The following NXN variants were observed in gnomAD, a reference collection of about 807,000 sequenced individuals.
NXN encodes nucleoredoxin, also known as nucleoredoxin 1.
NXN carries 16 observed loss-of-function variants against 48.6 expected under a neutral mutation model. The observed-to-expected ratio is 0.33, with a 90% CI of 0.22 to 0.50. The LOEUF (loss-of-function observed/expected upper bound fraction) is 0.50. NXN is among the 20% of genes least tolerant of loss of function. The pLI is 0.98. For missense variants in NXN, 492 were observed against 605.5 expected, an observed-to-expected ratio of 0.81 and a Z score of 1.97; for synonymous variants, 281 against 269.6, an observed-to-expected ratio of 1.04 and a Z score of -0.41.
chr17:840,739 G>T (rs895251527), intron 1 of NXN, among the ~76,000 whole-genome samples: 2 of 152,302 alleles, frequency 1.3e-5, no homozygotes, highest in South Asian at 4.1e-4. Context: ...CAGAGGATCC[G>T]ATCGGCTGTG....
chr17:914,180 G>A (rs8065476), intron 1 of NXN, among the ~76,000 whole-genome samples: 5,600 of 39,452 alleles, frequency 0.14, 34 homozygotes, highest in Middle Eastern at 0.29. Context: ...GATTACAGGC[G>A]CCCGCCACCA....
chr17:871,399 C>CTTTCT (rs1567842257), intron 1 of NXN, among the ~76,000 whole-genome samples: 1 of 101,706 alleles, frequency 9.8e-6, no homozygotes, highest in Non-Finnish European at 1.9e-5. Flanking sequence ...TACGCATTCA[C>CTTTCT]TTTTTTTTTT....
intron 1 of NXN, among the ~76,000 whole-genome samples, chr17:854,441 G>T (rs1246846044): frequency 1.3e-5 from 2 of 150,562 alleles, no homozygotes; most frequent in Non-Finnish European, 1.5e-5. Flanking sequence ...AAGGTCAGGA[G>T]ACTGAGACCA....
At chr17:892,244 C>A (rs1029787434) in intron 1 of NXN, among the ~76,000 whole-genome samples, 2 of 151,706 alleles carry the variant, frequency 1.3e-5, no homozygotes, top group South Asian at 2.1e-4. Context: ...CCTAAGCTAA[C>A]CCCACCATGC....
chr17:953,761 C>A (rs893362845), intron 1 of NXN, among the ~76,000 whole-genome samples: 1 of 150,780 alleles, frequency 6.6e-6, no homozygotes, highest in African/African-American at 2.4e-5. Flanking sequence ...CATAGTGAGA[C>A]CCCCATCTCT....
intron 1 of NXN, chr17:959,006 A>G (rs1025672850): frequency 4.4e-6 from 1 of 228,312 alleles, no homozygotes; most frequent in Middle Eastern, 1.5e-3. Context: ...AGAAAGAATC[A>G]TGCGGATGTG....
At chr17:820,544 G>A (rs867625068) in intron 4 of NXN, among the ~76,000 whole-genome samples, 7 of 140,806 alleles carry the variant, frequency 5.0e-5, no homozygotes, top group Middle Eastern at 3.3e-3. Flanking sequence ...CCCAGGAGGC[G>A]GAGCTTGCAG....
intron 1 of NXN, among the ~76,000 whole-genome samples, chr17:939,381 T>C (rs914288440): frequency 2.7e-5 from 4 of 150,758 alleles, no homozygotes; most frequent in African/African-American, 9.8e-5. Flanking sequence ...GTTTCACTCT[T>C]GTCACCCAGG....
At position 800,644 on chromosome 17, in the gene NXN, A is replaced by G. The variant is rs1237053460; in HGVS notation, c.*305T>C. On this transcript the variant is annotated 3_prime_UTR_variant, in exon 8 of 8. Transcript: ENST00000336868. ...CCTCCACGCTCACTCTGCCCAGGACACCCTGGCAGATCCTTCACCAAAAGC... is the reference window on the plus strand; with the variant it reads ...CCTCCACGCTCACTCTGCCCAGGACGCCCTGGCAGATCCTTCACCAAAAGC... 8 of 208,032 alleles carry G rather than the reference A, an allele frequency of 3.8e-5. No homozygotes were observed. The highest frequency in any genetic ancestry group is 5.9e-5 in the Admixed American group (1 of 16,874). The allele number at this position is 208,032 out of a possible 1,614,324, so 12.9% of individuals were successfully genotyped here.
intron 2 of NXN, among the ~76,000 whole-genome samples, chr17:824,207 T>C (rs59701823): frequency 0.044 from 6,685 of 151,914 alleles, 169 homozygotes; most frequent in African/African-American, 0.068. Context: ...GCCCGGCTAA[T>C]GTTTTTTTTC....
At chr17:940,762 A>G (rs2068963708) in intron 1 of NXN, among the ~76,000 whole-genome samples, 1 of 150,804 alleles carries the variant, frequency 6.6e-6, no homozygotes, top group Non-Finnish European at 1.5e-5. Context: ...GCAGCCATGA[A>G]TTCAGATCAC....
chr17:897,002 C>T (rs575029721), intron 1 of NXN: 52 of 1,140,108 alleles, frequency 4.6e-5, no homozygotes, highest in East Asian at 9.1e-5. Context: ...GGCAGATACA[C>T]GGACTCCGTA....
At chr17:839,925 C>T (rs1446588300) in intron 1 of NXN, among the ~76,000 whole-genome samples, 2 of 151,702 alleles carry the variant, frequency 1.3e-5, no homozygotes, top group Non-Finnish European at 2.9e-5. Flanking sequence ...GGTGAAACCC[C>T]GTCTCTATTA....
rs969518318 is a variant in NXN, at chr17:825,315, C to T, written c.478+646G>A. On this transcript the variant is annotated intron_variant, in intron 2 of 7. Transcript: ENST00000336868. The surrounding 1 kb of genome is among the most constrained non-coding windows in gnomAD (Gnocchi z 4.1). The stretch of plus-strand genomic sequence containing the variant: ...TTCTTTGAAGTAGGTGGCATTTTTA[C>T]TGGGAAAATGTGTGAGCGGGGTTGA... Among the ~76,000 whole-genome samples, 25 of 151,890 alleles carry T rather than the reference C, an allele frequency of 1.6e-4. No individual in the cohort carries two copies. The highest frequency in any genetic ancestry group is 2.8e-4 in the Non-Finnish European group (19 of 67,996).
At chr17:886,881 T>C (rs2068354335) in intron 1 of NXN, among the ~76,000 whole-genome samples, 1 of 152,142 alleles carries the variant, frequency 6.6e-6, no homozygotes, top group Non-Finnish European at 1.5e-5. Flanking sequence ...CTATTGTTTA[T>C]CCTAACATTT....
At chr17:899,951 A>G (rs2068521801) in intron 1 of NXN, among the ~76,000 whole-genome samples, 2 of 152,166 alleles carry the variant, frequency 1.3e-5, no homozygotes, top group African/African-American at 4.8e-5. Flanking sequence ...GATATCCTCA[A>G]GCTATAGAGT....
chr17:922,591 G>A (rs911332920), intron 1 of NXN, among the ~76,000 whole-genome samples: 2 of 152,168 alleles, frequency 1.3e-5, no homozygotes, highest in Non-Finnish European at 2.9e-5. Flanking sequence ...GCTCAAATCT[G>A]GGGCTGAGAG....
rs1217227908 is a variant in NXN, at chr17:863,976, G to GT, written c.361-37899dup. On this transcript the variant is annotated intron_variant, in intron 1 of 7. Transcript: ENST00000336868. The stretch of plus-strand genomic sequence containing the variant: ...GCCTGGGAACTGAGTGAGGAAACAC[G>GT]TTAACCATTGCTCAGTTTCGGTGAA... 4 of 1,535,060 alleles carry GT rather than the reference G, an allele frequency of 2.6e-6. No homozygotes were observed. In the South Asian group the frequency reaches 3.6e-5, roughly 14 times the overall value.
At chr17:873,234 C>A (rs1033179378) in intron 1 of NXN, among the ~76,000 whole-genome samples, 1 of 152,154 alleles carries the variant, frequency 6.6e-6, no homozygotes, top group Non-Finnish European at 1.5e-5. Context: ...GGGTGGCTCA[C>A]GCCTGTAATC....
Sources: gnomAD v4.1 joint callset for allele counts (sites outside exome capture counted in the v4.1 genomes callset) on GRCh38, gnomAD v4.1.1 for gene constraint, Gnocchi (gnomAD v3.1) non-coding constraint, MANE v1.5 for transcripts, NCBI Gene and HGNC (gene_info 2026-07-23, HGNC 2026-07-21) for gene names.